The following TMEM163 variants were observed in gnomAD, a reference collection of about 807,000 sequenced individuals.
TMEM163 encodes the protein transmembrane protein 163.
A neutral mutation model predicts 29.3 loss-of-function variants in TMEM163; 17 were observed. That is an observed-to-expected ratio of 0.58 (90% confidence interval 0.40 to 0.87). The LOEUF (loss-of-function observed/expected upper bound fraction) is 0.87. Ranked by LOEUF, TMEM163 falls within the 40% of genes least tolerant of loss-of-function variation. The pLI is 0.00. For missense variants in TMEM163, 303 were observed against 381.5 expected (o/e 0.79, Z 1.71); for synonymous variants, 157 against 160.6 (o/e 0.98, Z 0.17).
At position 134,706,525 on chromosome 2, in the gene TMEM163, C is replaced by T. The variant is rs190266629; in HGVS notation, c.322+6675G>A. On this transcript the variant is annotated intron_variant, in intron 2 of 7. Coordinates refer to ENST00000281924, the MANE Select transcript of TMEM163 (RefSeq NM_030923.5). ...ATCGAGTTCCTGATCTATGGGTTCC[C>T]GTGGGGCTATGGGGGAAGGGAGGTG... 1.4e-3 allele frequency among the ~76,000 whole-genome samples: 217 copies of T among 152,236 alleles called. 1 individual carries two copies. Among genetic ancestry groups the T allele is most frequent in the Non-Finnish European group, 1.7e-3 (113 of 68,008 alleles).
intron 4 of TMEM163, among the ~76,000 whole-genome samples, chr2:134,521,053 C>T (rs1680180019): frequency 6.6e-6 from 1 of 151,166 alleles, no homozygotes; most frequent in Non-Finnish European, 1.5e-5. Context: ...GGCTGGAGTG[C>T]AGTGGCACAA....
chr2:134,712,458 C>T (rs35853750), intron 2 of TMEM163, among the ~76,000 whole-genome samples: 9 of 151,200 alleles, frequency 6.0e-5, no homozygotes, highest in South Asian at 2.1e-4. Context: ...GTCTTTCCCC[C>T]GCATCAAAAA....
At chr2:134,693,202 A>G (rs1223886743) in intron 2 of TMEM163, among the ~76,000 whole-genome samples, 1 of 152,198 alleles carries the variant, frequency 6.6e-6, no homozygotes, top group Non-Finnish European at 1.5e-5. Context: ...CTCTTCATCC[A>G]GAAACCTTGA....
intron 4 of TMEM163, among the ~76,000 whole-genome samples, chr2:134,517,950 GA>G (rs11307207): frequency 0.32 from 48,200 of 148,574 alleles, 8,018 homozygotes; most frequent in South Asian, 0.57. Flanking sequence ...TTGTCAGATG[GA>G]AAAAAAAAAA....
rs148868553 is a variant in TMEM163 at position 134,580,670 on chromosome 2, G to A, written c.323-28579C>T. Among the ~76,000 whole-genome samples the A allele has an allele frequency of 7.4e-3, 1,128 of 152,322 alleles. 20 individuals are homozygous for A. Among genetic ancestry groups the A allele is most frequent in the African/African-American group, 0.026 (1,074 of 41,572 alleles). On this transcript the variant is annotated intron_variant, in intron 2 of 7. Transcript: ENST00000281924. Reference sequence around the variant, plus strand: ...CTGCCACCTGGAATCCCAGCACTTTGGGAGGCCGAGCCAGGTGGATCACTT... The same window carrying A: ...CTGCCACCTGGAATCCCAGCACTTTAGGAGGCCGAGCCAGGTGGATCACTT...
intron 2 of TMEM163, among the ~76,000 whole-genome samples, chr2:134,694,370 G>A (rs533405064): frequency 3.3e-5 from 5 of 152,296 alleles, no homozygotes; most frequent in African/African-American, 9.6e-5. Context: ...AGAGGGTAAC[G>A]AATCTCTAAT....
chr2:134,698,217 G>A (rs529964471), intron 2 of TMEM163, among the ~76,000 whole-genome samples: 7 of 152,294 alleles, frequency 4.6e-5, no homozygotes, highest in African/African-American at 1.7e-4. Context: ...TGACATTGCT[G>A]GATGTCTCCA....
At chr2:134,651,316 G>C (rs1683474312) in intron 2 of TMEM163, among the ~76,000 whole-genome samples, 1 of 141,128 alleles carries the variant, frequency 7.1e-6, no homozygotes, top group South Asian at 2.3e-4. Context: ...ATTTTTTCAT[G>C]TGTTTCTTGG....
intron 2 of TMEM163, among the ~76,000 whole-genome samples, chr2:134,679,489 CCT>C (rs1179282073): frequency 2.6e-5 from 4 of 152,132 alleles, no homozygotes; most frequent in Non-Finnish European, 5.9e-5. Context: ...CTGCCTGGCC[CCT>C]GTGAGAATTT....
At position 134,649,618 on chromosome 2, in the gene TMEM163, A is replaced by T. The variant is rs185650878; in HGVS notation, c.322+63582T>A. 2.0e-5 allele frequency among the ~76,000 whole-genome samples: 3 copies of T among 152,344 alleles called. No individual in the cohort carries two copies. In the East Asian group the frequency reaches 5.8e-4, roughly 29 times the overall value. Reference sequence around the variant, plus strand: ...TTGTAAGTACAGTGAAATTACATTAAAATATGGATGCATATTTTAATAACC... The same window carrying T: ...TTGTAAGTACAGTGAAATTACATTATAATATGGATGCATATTTTAATAACC... On this transcript the variant is annotated intron_variant, in intron 2 of 7. Coordinates refer to ENST00000281924, the MANE Select transcript of TMEM163 (RefSeq NM_030923.5).
chr2:134,630,692 G>A (rs549309955), intron 2 of TMEM163, among the ~76,000 whole-genome samples: 299 of 152,260 alleles, frequency 2.0e-3, no homozygotes, highest in African/African-American at 7.0e-3. Context: ...CTCTCCCCTG[G>A]GCCCCTCCCT....
chr2:134,531,179 G>C (rs1425178263), intron 4 of TMEM163, among the ~76,000 whole-genome samples: 1 of 152,126 alleles, frequency 6.6e-6, no homozygotes, highest in East Asian at 1.9e-4. Context: ...TACCTCCCTT[G>C]CTAGCAATGG....
chr2:134,689,709 A>G (rs1286692818), intron 2 of TMEM163, among the ~76,000 whole-genome samples: 1 of 152,228 alleles, frequency 6.6e-6, no homozygotes, highest in Non-Finnish European at 1.5e-5. Flanking sequence ...AGGAAAAGAT[A>G]CAGTTAGAAA....
At position 134,568,335 on chromosome 2, in the gene TMEM163, G is replaced by C. The variant is rs1198576110; in HGVS notation, c.323-16244C>G. On this transcript the variant is annotated intron_variant, in intron 2 of 7. Transcript: ENST00000281924. The stretch of plus-strand genomic sequence containing the variant: ...AGGTCAGGAGTTTGAAACCAGCCTG[G>C]CCAACATGGTGAAACCCTGTCTCTA... 2.0e-5 allele frequency among the ~76,000 whole-genome samples: 3 copies of C among 152,224 alleles called. No homozygotes were observed. In the East Asian group the frequency reaches 5.8e-4, roughly 29 times the overall value.
At chr2:134,622,627 T>G (rs887174037) in intron 2 of TMEM163, among the ~76,000 whole-genome samples, 26 of 152,214 alleles carry the variant, frequency 1.7e-4, no homozygotes, top group African/African-American at 5.3e-4. Flanking sequence ...TCTATGTAAA[T>G]TAAAGTGTCT....
chr2:134,550,514 C>T lies in TMEM163; in HGVS notation c.458+56G>A, dbSNP rs552011567. 4.3e-4 allele frequency: 656 copies of T among 1,537,420 alleles called. 2 individuals carry two copies. The African/African-American group carries it at 6.4e-3, about 15-fold the overall frequency. Reference sequence around the variant, plus strand: ...GCAAGCTGTGTTGAGGGCCTCATTCCGTGGCCTTCATCTGCACGGGTTCTT... The same window carrying T: ...GCAAGCTGTGTTGAGGGCCTCATTCTGTGGCCTTCATCTGCACGGGTTCTT... On this transcript the variant is annotated intron_variant, in intron 4 of 7. Transcript: ENST00000281924.
chr2:134,651,858 T>C lies in TMEM163; in HGVS notation c.322+61342A>G, dbSNP rs1240359360. Among the ~76,000 whole-genome samples, 346 of 121,384 alleles carry C rather than the reference T, an allele frequency of 2.9e-3. 26 individuals are homozygous for C. Among genetic ancestry groups the C allele is most frequent in the African/African-American group, 0.013 (322 of 25,300 alleles). The allele number at this position is 121,384 out of a possible 152,430, so 79.6% of individuals were successfully genotyped here. ...TTGTCAAAGATCAGATAGTTGTAGA[T>C]ATGCGGCATTATTTCTGAGGGCTCT... On this transcript the variant is annotated intron_variant, in intron 2 of 7. Coordinates refer to ENST00000281924, the MANE Select transcript of TMEM163 (RefSeq NM_030923.5).
chr2:134,479,719 A>G (rs596403), intron 5 of TMEM163, among the ~76,000 whole-genome samples: 25,887 of 152,142 alleles, frequency 0.17, 2,685 homozygotes, highest in South Asian at 0.26. Context: ...GGCTTGTAAA[A>G]ATGAGGTAAC....
chr2:134,534,274 T>TAA (rs75419639), intron 4 of TMEM163, among the ~76,000 whole-genome samples: 40 of 151,562 alleles, frequency 2.6e-4, no homozygotes, highest in South Asian at 1.3e-3. Context: ...TGGACTTTTT[T>TAA]AAAAAAAATG....
Sources: gnomAD v4.1 joint callset for allele counts (sites outside exome capture counted in the v4.1 genomes callset) on GRCh38, gnomAD v4.1.1 for gene constraint, MANE v1.5 for transcripts, NCBI Gene and HGNC (gene_info 2026-07-23, HGNC 2026-07-21) for gene names.